Variants in SUN1 observed in about 807,000 individuals in gnomAD.
The protein encoded by SUN1 is SUN domain-containing protein 1.
In SUN1, 61 loss-of-function variants were observed where a neutral mutation model predicts 103.2. The ratio of observed to expected loss-of-function variants is 0.59; its 90% CI spans 0.48 to 0.73. The LOEUF is 0.73. Among genes scored for constraint, SUN1 ranks in the 30% least tolerant of loss-of-function variants. The pLI, the probability that SUN1 is intolerant of heterozygous loss-of-function variation, is 0.00. For synonymous variants in SUN1, 490 were observed against 425.7 expected, an observed-to-expected ratio of 1.15 and a Z score of -1.86; for missense variants, 1,052 against 1,034.6, an observed-to-expected ratio of 1.02 and a Z score of -0.23.
chr7:869,602 A>T, intron 17 of SUN1, 86 bp downstream of exon 17: 1 of 1,499,062 alleles, frequency 6.7e-7, no homozygotes, highest in South Asian at 1.2e-5. Context: ...CGCACTGGGG[A>T]CGGCTGCCTC....
intron 1 of SUN1, among the ~76,000 whole-genome samples, chr7:836,743 C>T (rs1172449021): frequency 6.6e-6 from 1 of 152,192 alleles, no homozygotes; most frequent in Non-Finnish European, 1.5e-5. Flanking sequence ...CAGATACACT[C>T]AGAATAATGT....
intron 15 of SUN1, among the ~76,000 whole-genome samples, chr7:864,395 CA>C (rs899617842): frequency 2.7e-5 from 4 of 148,870 alleles, no homozygotes; most frequent in African/African-American, 4.9e-5. Context: ...TAAAAAAATG[CA>C]AAAAAAAATT....
upstream of SUN1, among the ~76,000 whole-genome samples, chr7:830,061 A>G (rs1475509288): frequency 1.3e-5 from 2 of 152,168 alleles, no homozygotes; most frequent in Admixed American, 1.3e-4. Context: ...AAAATCTTCC[A>G]TTTCCAAATT....
intron 18 of SUN1, 66 bp downstream of exon 18, chr7:872,628 C>T (rs1562858658): frequency 7.7e-7 from 1 of 1,298,334 alleles, no homozygotes; most frequent in Non-Finnish European, 1.1e-6. Flanking sequence ...CAGCAGGGCC[C>T]AGCTGGCATC....
rs1562716614 is a variant in SUN1 at position 853,541 on chromosome 7, CG to C, written c.1189del (p.Val397TrpfsTer49). On this transcript the variant is annotated frameshift_variant, in exon 10 of 19. Transcript: ENST00000401592. LOFTEE classifies it high-confidence loss of function. Reference protein sequence around the residue: ...LTTLLQKLQARVDQMEGGAAG... With the variant: ...LTTLLQKLQAXVDQMEGGAAG... ...CACTTTGCTACAGAAGCTGCAGGCT[CG>C]GGTGGACCAGATGGAAGGCGGCGCT... is the stretch of plus-strand genomic sequence containing the variant. The C allele has an allele frequency of 6.2e-7, 1 of 1,613,262 alleles. No individual in the cohort carries two copies. The highest frequency in any genetic ancestry group is 1.3e-5 in the African/African-American group (1 of 75,046).
intron 13 of SUN1, among the ~76,000 whole-genome samples, chr7:858,490 C>T (rs1201127138): frequency 6.6e-6 from 1 of 152,240 alleles, no homozygotes; most frequent in African/African-American, 2.4e-5. Flanking sequence ...TGCGTCAGCA[C>T]CCACCATGCG....
rs1164043170 is a variant in SUN1, at chr7:839,156, A to G, written c.266+170A>G. 5.2e-6 allele frequency: 3 copies of G among 575,904 alleles called. No individual in the cohort carries two copies. The African/African-American group carries it at 5.7e-5, about 11-fold the overall frequency. The allele number at this position is 575,904 out of a possible 1,614,324, so 35.7% of individuals were successfully genotyped here. ...CATATAAAGTGGTAGTTTGCTGCAA[A>G]TAAAGACTGAAAGGAACTCTGGAAT... On this transcript the variant is annotated intron_variant, in intron 2 of 18. Transcript: ENST00000401592.
At chr7:827,477 T>G (rs4580941), upstream of SUN1, among the ~76,000 whole-genome samples, 87,814 of 144,650 alleles carry the variant, frequency 0.61, 26,099 homozygotes, top group East Asian at 0.65. Context: ...TTTTTTTTTT[T>G]TTTTTTTTTT....
chr7:857,457 C>G (rs1255185304), intron 12 of SUN1, among the ~76,000 whole-genome samples: 1 of 152,140 alleles, frequency 6.6e-6, no homozygotes, highest in Admixed American at 6.5e-5. Context: ...TGCCTCAGCC[C>G]CAAACTACTG....
Position 835,064 on chromosome 7 carries a change from A to G in SUN1, c.77+2463A>G, listed in dbSNP as rs535931015. Reference sequence around the variant, plus strand: ...GCAGTCCAGCCTGGGAGACGGTGTGAGGCTCTGTCTCAAAAAGTAAACAAA... The same window carrying G: ...GCAGTCCAGCCTGGGAGACGGTGTGGGGCTCTGTCTCAAAAAGTAAACAAA... On this transcript the variant is annotated intron_variant, in intron 1 of 18. Transcript: ENST00000401592. Among the ~76,000 whole-genome samples the G allele has an allele frequency of 1.1e-4, 17 of 152,350 alleles. No individual in the cohort carries two copies. The East Asian group carries it at 3.3e-3, about 29-fold the overall frequency.
chr7:817,979 A>G (rs963044048), intron 1 of SUN1, among the ~76,000 whole-genome samples: 2 of 151,602 alleles, frequency 1.3e-5, no homozygotes, highest in Admixed American at 1.3e-4. Context: ...TAGTTTGGCC[A>G]TGGTATTTTA....
At chr7:824,405 G>A (rs1789329780) in intron 1 of SUN1, among the ~76,000 whole-genome samples, 3 of 152,164 alleles carry the variant, frequency 2.0e-5, no homozygotes, top group Admixed American at 2.0e-4. Flanking sequence ...CATTTGGTTG[G>A]CGGTCCCCAT....
chr7:835,906 G>T (rs1271702659), intron 1 of SUN1, among the ~76,000 whole-genome samples: 2 of 152,250 alleles, frequency 1.3e-5, no homozygotes, highest in South Asian at 2.1e-4. Flanking sequence ...TCTCATGGGG[G>T]TGTTGGCTGT....
chr7:851,292 G>A, intron 5 of SUN1, 92 bp from the exon 6 acceptor site: 1 of 1,090,610 alleles, frequency 9.2e-7, no homozygotes, highest in East Asian at 2.6e-5. Context: ...AGGCTTTGGT[G>A]AAGTGTGTGG....
chr7:869,905 C>T (rs1466869953), intron 17 of SUN1, among the ~76,000 whole-genome samples: 1 of 152,136 alleles, frequency 6.6e-6, no homozygotes, highest in African/African-American at 2.4e-5. Context: ...CTGGTTTCTT[C>T]ACCATGCCTT....
chr7:841,366 C>T lies in SUN1; in HGVS notation c.267-580C>T, dbSNP rs571474038. Among the ~76,000 whole-genome samples the T allele has an allele frequency of 9.9e-5, 15 of 151,738 alleles. No individual in the cohort carries two copies. In the East Asian group the frequency reaches 2.9e-3, roughly 29 times the overall value. ...TCACTCCATTCTCCTGCCACAGCCT[C>T]CCGAGTAGCTGAAACTACAGGCGCC... On this transcript the variant is annotated intron_variant, in intron 2 of 18. Transcript: ENST00000401592.
intron 17 of SUN1, among the ~76,000 whole-genome samples, chr7:870,182 G>C (rs2128562419): frequency 6.9e-6 from 1 of 144,938 alleles, no homozygotes; most frequent in East Asian, 2.0e-4. Flanking sequence ...TCCAGCCTGG[G>C]CAACAGAGTG....
At chr7:852,116 G>C in intron 7 of SUN1, 73 bp downstream of exon 7, 2 of 1,306,820 alleles carry the variant, frequency 1.5e-6, no homozygotes, top group South Asian at 2.4e-5. Context: ...GCTCTCATTT[G>C]ATTTGTTATT....
intron 7 of SUN1, 65 bp from the exon 8 acceptor site, chr7:852,544 A>T: frequency 6.2e-7 from 1 of 1,600,494 alleles, no homozygotes; most frequent in South Asian, 1.1e-5. Context: ...CTAGAGGGGG[A>T]AAACAGATTG....
Sources: gnomAD v4.1 joint callset for allele counts (sites outside exome capture counted in the v4.1 genomes callset) on GRCh38, gnomAD v4.1.1 for gene constraint, MANE v1.5 for transcripts, NCBI Gene and HGNC (gene_info 2026-07-23, HGNC 2026-07-21) for gene names.